Variants in CMC1 observed in about 807,000 individuals in gnomAD.
CMC1 encodes C-X9-C motif containing 1.
CMC1 carries 14 observed loss-of-function variants against 14.1 expected under a neutral mutation model. The ratio of observed to expected loss-of-function variants is 0.99; its 90% CI spans 0.66 to 1.55. The LOEUF is 1.55. Ranked by LOEUF, CMC1 falls within the 40% of genes most tolerant of loss-of-function variation. The probability of loss-of-function intolerance (pLI) is 0.00; values close to 1 mark genes in which losing one functional copy is unlikely to be tolerated. For synonymous variants in CMC1, 50 were observed against 38.4 expected, an observed-to-expected ratio of 1.30 and a Z score of -1.12; for missense variants, 127 against 123.8, an observed-to-expected ratio of 1.03 and a Z score of -0.12.
intron 2 of CMC1, among the ~76,000 whole-genome samples, chr3:28,286,576 A>G (rs888718574): frequency 1.3e-5 from 2 of 152,214 alleles, no homozygotes; most frequent in African/African-American, 4.8e-5. Flanking sequence ...TATTTGTACC[A>G]TAGTCTTCAT....
At chr3:28,275,687 G>C (rs1700549593) in intron 2 of CMC1, among the ~76,000 whole-genome samples, 1 of 152,090 alleles carries the variant, frequency 6.6e-6, no homozygotes, top group Admixed American at 6.5e-5. Context: ...CGTCTGGACT[G>C]CCCCAGTTTC....
chr3:28,299,769 A>G (rs1395140265), intron 2 of CMC1, among the ~76,000 whole-genome samples: 1 of 152,124 alleles, frequency 6.6e-6, no homozygotes, highest in Non-Finnish European at 1.5e-5. Context: ...TATGTTCAAC[A>G]TTGCAAGAAG....
At chr3:28,275,244 C>T (rs1700512648) in intron 2 of CMC1, among the ~76,000 whole-genome samples, 3 of 148,694 alleles carry the variant, frequency 2.0e-5, no homozygotes, top group Middle Eastern at 7.3e-3. Flanking sequence ...TAGCTTCGGT[C>T]TTTGATGTCC....
In CMC1 at chr3:28,319,680, T is replaced by G. The variant is rs138266251; in HGVS notation, c.*51T>G. The G allele has an allele frequency of 2.0e-6, 3 of 1,494,008 alleles. No individual in the cohort carries two copies. The African/African-American group carries it at 4.2e-5, about 21-fold the overall frequency. 92.5% of individuals were successfully genotyped at this position (1,494,008 alleles called of 1,614,324 possible). ...ACTCTAATATTCATGGAAGTCATTT[T>G]ATAGTCCTTAAATAATGGACTCAAG... On this transcript the variant is annotated 3_prime_UTR_variant, in exon 4 of 4. Transcript: ENST00000466830.
intron 1 of CMC1, among the ~76,000 whole-genome samples, chr3:28,252,689 G>C (rs994314187): frequency 6.6e-6 from 1 of 152,136 alleles, no homozygotes; most frequent in African/African-American, 2.4e-5. Flanking sequence ...AGCCTTGTTT[G>C]CTTAAGTCTC....
At chr3:28,300,915 A>AC (rs1702010462) in intron 2 of CMC1, among the ~76,000 whole-genome samples, 1 of 129,268 alleles carries the variant, frequency 7.7e-6, no homozygotes, top group East Asian at 2.7e-4. Context: ...TTGCAGACAT[A>AC]CCCCCCCGAC....
intron 1 of CMC1, among the ~76,000 whole-genome samples, chr3:28,259,958 T>G (rs1256291924): frequency 6.6e-6 from 1 of 152,132 alleles, no homozygotes; most frequent in African/African-American, 2.4e-5. Context: ...GCTAGAAGAT[T>G]TTTTGTAGAT....
At chr3:28,311,811 A>T (rs1702651414) in intron 2 of CMC1, among the ~76,000 whole-genome samples, 1 of 152,236 alleles carries the variant, frequency 6.6e-6, no homozygotes, top group Non-Finnish European at 1.5e-5. Flanking sequence ...GTCTGAAGGG[A>T]AATCTTACTA....
rs1207049268 is a variant in CMC1 at position 28,322,794 on chromosome 3, CTA to C, written c.*3167_*3168del. On this transcript the variant is annotated 3_prime_UTR_variant, in exon 4 of 4. Transcript: ENST00000466830. Reference sequence around the variant, plus strand: ...ATATCTAGTGAATGGCGAACATTGTCTATGTATGTATGCTATTCAGTAATACA... The same window carrying C: ...ATATCTAGTGAATGGCGAACATTGTCTGTATGTATGCTATTCAGTAATACA... 6.6e-6 allele frequency: 1 copy of C among 151,360 alleles called. No individual in the cohort carries two copies. The highest frequency in any genetic ancestry group is 1.5e-5 in the Non-Finnish European group (1 of 67,344). 9.4% of individuals were successfully genotyped at this position (151,360 alleles called of 1,614,324 possible). A position where few individuals can be genotyped will look rare whatever the true frequency, so the allele number is the denominator to read the frequency against.
chr3:28,270,016 A>G (rs1577014684), intron 2 of CMC1, among the ~76,000 whole-genome samples: 1 of 152,182 alleles, frequency 6.6e-6, no homozygotes, highest in African/African-American at 2.4e-5. Flanking sequence ...AAGTGAGAAC[A>G]TGTGGTGATT....
Position 28,254,527 on chromosome 3 carries a change from G to A in CMC1, c.20-8764G>A, listed in dbSNP as rs182929861. Among the ~76,000 whole-genome samples, 120 of 152,182 alleles carry A rather than the reference G, an allele frequency of 7.9e-4. 1 individual carries two copies. The highest frequency in any genetic ancestry group is 2.7e-3 in the African/African-American group (114 of 41,510). ...GAAGGATCAGATGTCTTGACAAGCC[G>A]TTTTAAAAATGTGTTTGATAGGAAT... On this transcript the variant is annotated intron_variant, in intron 1 of 3. Transcript: ENST00000466830.
chr3:28,300,070 A>G (rs1487701625), intron 2 of CMC1, among the ~76,000 whole-genome samples: 3 of 152,206 alleles, frequency 2.0e-5, no homozygotes, highest in East Asian at 1.9e-4. Context: ...TAAATTTAGT[A>G]TAACATGTCT....
intron 1 of CMC1, among the ~76,000 whole-genome samples, chr3:28,255,769 A>G (rs914318443): frequency 1.5e-4 from 23 of 148,500 alleles, no homozygotes; most frequent in Non-Finnish European, 3.3e-4. Flanking sequence ...CAGAGATGAT[A>G]TGTAAAGCTT....
chr3:28,304,977 T>C (rs1559439996), intron 2 of CMC1, among the ~76,000 whole-genome samples: 1 of 152,184 alleles, frequency 6.6e-6, no homozygotes, highest in Admixed American at 6.5e-5. Context: ...TGTGCAGGTT[T>C]GTTACATGAG....
intron 1 of CMC1, among the ~76,000 whole-genome samples, chr3:28,248,602 T>A (rs1027953361): frequency 6.6e-6 from 1 of 152,354 alleles, no homozygotes; most frequent in Middle Eastern, 3.4e-3. Context: ...TCTTGTTGCC[T>A]GGATTAGTAT....
intron 3 of CMC1, chr3:28,316,990 G>A (rs1446418242): frequency 6.6e-6 from 1 of 152,024 alleles, no homozygotes; most frequent in African/African-American, 2.4e-5. Context: ...TTCACATGCT[G>A]ATTTATTCAC....
intron 2 of CMC1, among the ~76,000 whole-genome samples, chr3:28,309,873 A>G (rs534629865): frequency 3.0e-4 from 39 of 130,694 alleles, no homozygotes; most frequent in Middle Eastern, 4.0e-3. Context: ...GCTAATTGCA[A>G]ATATACATTT....
At chr3:28,310,711 G>A (rs976865816) in intron 2 of CMC1, among the ~76,000 whole-genome samples, 2 of 152,242 alleles carry the variant, frequency 1.3e-5, no homozygotes, top group Non-Finnish European at 2.9e-5. Context: ...ATGTAGTGCA[G>A]TGAAGAAGCC....
chr3:28,284,157 T>A (rs955068661), intron 2 of CMC1, among the ~76,000 whole-genome samples: 1 of 152,200 alleles, frequency 6.6e-6, no homozygotes, highest in Admixed American at 6.5e-5. Context: ...TTATTTATTG[T>A]TGAGCATATT....
Sources: gnomAD v4.1 joint callset for allele counts (sites outside exome capture counted in the v4.1 genomes callset) on GRCh38, gnomAD v4.1.1 for gene constraint, MANE v1.5 for transcripts, NCBI Gene and HGNC (gene_info 2026-07-23, HGNC 2026-07-21) for gene names.